The following PPP1R13B variants were observed in gnomAD, a reference collection of about 807,000 sequenced individuals.
PPP1R13B encodes the protein apoptosis-stimulating of p53 protein 1.
Under a neutral mutation model 119.8 loss-of-function variants are expected in PPP1R13B, and 44 were observed. That is an observed-to-expected ratio of 0.37 (90% CI 0.29 to 0.47). The LOEUF (loss-of-function observed/expected upper bound fraction) is 0.47, where lower values mean the gene tolerates loss of function less well. PPP1R13B is among the 20% of genes least tolerant of loss of function. PPP1R13B has a pLI of 0.99. For synonymous variants in PPP1R13B, 542 were observed against 561.5 expected (o/e 0.97, Z 0.49); for missense variants, 1,227 against 1,413.5 (o/e 0.87, Z 2.12).
intron 3 of PPP1R13B, among the ~76,000 whole-genome samples, chr14:103,781,373 G>A (rs1286046147): frequency 6.6e-6 from 1 of 152,154 alleles, no homozygotes; most frequent in Non-Finnish European, 1.5e-5. Flanking sequence ...TAGATGAAGA[G>A]TTGAGCCCGG....
At chr14:103,791,336 A>C (rs2085615516) in intron 2 of PPP1R13B, among the ~76,000 whole-genome samples, 1 of 152,196 alleles carries the variant, frequency 6.6e-6, no homozygotes, top group Non-Finnish European at 1.5e-5. Flanking sequence ...AAACGGTCTC[A>C]TCTTAGTTGA....
chr14:103,761,071 TCAGAC>T (rs1185447964), intron 4 of PPP1R13B, among the ~76,000 whole-genome samples: 3 of 152,184 alleles, frequency 2.0e-5, no homozygotes, highest in Admixed American at 6.5e-5. Context: ...TTCATGAGTT[TCAGAC>T]CAGCCTGGAC....
rs139075425 is a variant in PPP1R13B, at chr14:103,846,375, G to C, written c.9+924C>G. On this transcript the variant is annotated intron_variant, in intron 1 of 16. Transcript: ENST00000202556. Reference sequence around the variant, plus strand: ...TGGCAATATTCAAGTAGAGAATGCAGGGAAACTGCACTTTCCTGTGAAATG... The same window carrying C: ...TGGCAATATTCAAGTAGAGAATGCACGGAAACTGCACTTTCCTGTGAAATG... Among the ~76,000 whole-genome samples, 5 of 152,322 alleles carry C rather than the reference G, an allele frequency of 3.3e-5. No individual in the cohort carries two copies. The East Asian group carries it at 9.6e-4, about 29-fold the overall frequency.
intron 2 of PPP1R13B, chr14:103,794,512 G>C (rs928316820): frequency 1.5e-4 from 43 of 281,592 alleles, no homozygotes; most frequent in African/African-American, 9.2e-4. Flanking sequence ...TTTTTTAGTA[G>C]AGACAGGGTT....
chr14:103,742,115 C>A lies in PPP1R13B; in HGVS notation c.1497G>T (p.Arg499Ser), dbSNP rs1377174863. ...RPSAGLPSRQ[R>S]PTLLPATGST... ...TGCCTGTGGCGGGCAGCAGGGTGGG[C>A]CTCTGTCGACTTGGCAGGCCTGCAC... The change falls in exon 11 of 17, where the codon AGG (arginine) becomes AGT (serine). Residue 499 changes from arginine to serine, a missense_variant. Physicochemically the swap from Arg to Ser is moderately radical, Grantham distance 110 (BLOSUM62 -1). Transcript: ENST00000202556. This position sits in a 1 kb window ranked among gnomAD's most constrained non-coding sequence, Gnocchi z 4.9. 4.3e-6 allele frequency: 7 copies of A among 1,613,002 alleles called. No individual in the cohort carries two copies. Among genetic ancestry groups the A allele is most frequent in the Non-Finnish European group, 5.9e-6 (7 of 1,179,984 alleles).
intron 1 of PPP1R13B, among the ~76,000 whole-genome samples, chr14:103,812,363 A>T (rs1435150588): frequency 6.8e-6 from 1 of 147,144 alleles, no homozygotes; most frequent in Non-Finnish European, 1.5e-5. Flanking sequence ...TTACATTGTG[A>T]TCCGCCCACC....
intron 2 of PPP1R13B, among the ~76,000 whole-genome samples, chr14:103,792,927 C>T (rs1257726355): frequency 6.6e-6 from 1 of 151,660 alleles, no homozygotes; most frequent in African/African-American, 2.4e-5. Context: ...AAAAATTAGC[C>T]GGGCATGGTG....
At chr14:103,831,925 G>T (rs2086672649) in intron 1 of PPP1R13B, among the ~76,000 whole-genome samples, 1 of 151,692 alleles carries the variant, frequency 6.6e-6, no homozygotes, top group African/African-American at 2.4e-5. Flanking sequence ...GACAGAGCAA[G>T]AATCCATCAC....
intron 1 of PPP1R13B, among the ~76,000 whole-genome samples, chr14:103,837,523 CCTCT>C (rs149916314): frequency 4.0e-5 from 6 of 151,564 alleles, no homozygotes; most frequent in Admixed American, 6.6e-5. Context: ...CTCCTTCCTT[CCTCT>C]CTCTCTCTCA....
chr14:103,768,563 C>T (rs1377141246), intron 4 of PPP1R13B, among the ~76,000 whole-genome samples: 1 of 151,898 alleles, frequency 6.6e-6, no homozygotes, highest in Non-Finnish European at 1.5e-5. Flanking sequence ...TCCCAAAGTG[C>T]TGGGATTACA....
At chr14:103,829,540 G>A (rs778126000) in intron 1 of PPP1R13B, among the ~76,000 whole-genome samples, 5 of 152,132 alleles carry the variant, frequency 3.3e-5, no homozygotes, top group Non-Finnish European at 7.3e-5. Flanking sequence ...GGGATTACAA[G>A]AGTGAGCCAC....
chr14:103,841,604 AG>A (rs2086910837), intron 1 of PPP1R13B, among the ~76,000 whole-genome samples: 1 of 152,158 alleles, frequency 6.6e-6, no homozygotes, highest in Non-Finnish European at 1.5e-5. Context: ...AGAAAAAAAA[AG>A]AAAAAAAAAT....
intron 4 of PPP1R13B, among the ~76,000 whole-genome samples, chr14:103,771,604 C>T (rs985153870): frequency 2.0e-5 from 3 of 151,568 alleles, no homozygotes; most frequent in Non-Finnish European, 1.5e-5. Context: ...CCTCATCCCC[C>T]TGAGTAGTTG....
chr14:103,806,321 A>C (rs866025507), intron 1 of PPP1R13B, among the ~76,000 whole-genome samples: 92 of 152,304 alleles, frequency 6.0e-4, no homozygotes, highest in African/African-American at 2.1e-3. Flanking sequence ...CCCCCAGCTC[A>C]CCTATACCAT....
chr14:103,757,094 A>C, intron 5 of PPP1R13B, among the ~76,000 whole-genome samples: 1 of 140,064 alleles, frequency 7.1e-6, no homozygotes, highest in Non-Finnish European at 1.5e-5. Flanking sequence ...GGTCTCACTT[A>C]CTCTGTCACC....
At chr14:103,828,370 CAAA>C (rs35467099) in intron 1 of PPP1R13B, among the ~76,000 whole-genome samples, 6 of 102,240 alleles carry the variant, frequency 5.9e-5, no homozygotes, top group Non-Finnish European at 5.9e-5. Flanking sequence ...ACTCTGTCTC[CAAA>C]AAAAAAAAAA....
chr14:103,835,102 AC>A lies in PPP1R13B; in HGVS notation c.9+12196del, dbSNP rs541765868. On this transcript the variant is annotated intron_variant, in intron 1 of 16. Coordinates refer to ENST00000202556, the MANE Select transcript of PPP1R13B (RefSeq NM_015316.3). ...GGAGAAAACTTAAAGTACTCAGTAA[AC>A]ATTTGCTCTTTTTTTTCTTTTAGAC... Among the ~76,000 whole-genome samples, 385 of 152,172 alleles carry A rather than the reference AC, an allele frequency of 2.5e-3. 1 individual carries two copies. The highest frequency in any genetic ancestry group is 4.9e-3 in the Non-Finnish European group (335 of 68,006).
At chr14:103,832,937 G>A (rs1231529068) in intron 1 of PPP1R13B, among the ~76,000 whole-genome samples, 1 of 151,832 alleles carries the variant, frequency 6.6e-6, no homozygotes, top group African/African-American at 2.4e-5. Context: ...AGCCGAGATC[G>A]TGCCACTGCA....
intron 6 of PPP1R13B, 68 bp downstream of exon 6, chr14:103,754,002 G>A: frequency 2.0e-6 from 3 of 1,531,930 alleles, no homozygotes; most frequent in Admixed American, 2.0e-5. Context: ...TTGTCAGGCA[G>A]TTAGACTATG....
Sources: allele counts gnomAD v4.1 joint callset (sites outside exome capture counted in the v4.1 genomes callset), GRCh38; gene constraint gnomAD v4.1.1; non-coding constraint Gnocchi (gnomAD v3.1); transcripts MANE v1.5; gene names NCBI Gene and HGNC (gene_info 2026-07-23, HGNC 2026-07-21).